RBFOX1: variants seen among roughly 807,000 people sequenced by gnomAD.
RBFOX1 encodes the protein RNA binding protein fox-1 homolog 1.
RBFOX1 carries 8 observed loss-of-function variants against 57.7 expected under a neutral mutation model. That is an observed-to-expected ratio of 0.14 (90% CI 0.08 to 0.25). The LOEUF is 0.25. RBFOX1 is among the 10% of genes least tolerant of loss of function. The pLI is 1.00. For synonymous variants in RBFOX1, 326 were observed against 222.4 expected, an observed-to-expected ratio of 1.47 and a Z score of -4.15; for missense variants, 611 against 548.5, an observed-to-expected ratio of 1.11 and a Z score of -1.14.
chr16:5,780,229 C>T (rs1475625351), intron 3 of RBFOX1, among the ~76,000 whole-genome samples: 2 of 152,220 alleles, frequency 1.3e-5, no homozygotes, highest in Non-Finnish European at 2.9e-5. Flanking sequence ...TCTTGAAATC[C>T]TGAACCTTGT....
intron 1 of RBFOX1, among the ~76,000 whole-genome samples, chr16:5,244,779 G>T (rs1464730814): frequency 2.0e-5 from 3 of 152,252 alleles, no homozygotes; most frequent in Non-Finnish European, 4.4e-5. Flanking sequence ...GCGCAGGTTG[G>T]TGGACGGTCC....
chr16:5,969,577 C>G (rs1207671047), intron 4 of RBFOX1, among the ~76,000 whole-genome samples: 1 of 151,306 alleles, frequency 6.6e-6, no homozygotes, highest in African/African-American at 2.4e-5. Context: ...CTGCCTCAAC[C>G]TCCCACAGTG....
chr16:7,672,101 A>G (rs1015013858), intron 13 of RBFOX1, among the ~76,000 whole-genome samples: 4 of 152,244 alleles, frequency 2.6e-5, no homozygotes, highest in Admixed American at 6.5e-5. Context: ...GACATCTAAC[A>G]TAACCCTCCC....
intron 2 of RBFOX1, chr16:6,573,749 C>T (rs1318087767): frequency 6.6e-6 from 1 of 152,248 alleles, no homozygotes; most frequent in Non-Finnish European, 1.5e-5. Flanking sequence ...CGAAGCCCGG[C>T]TGCGGGAGAG....
intron 3 of RBFOX1, among the ~76,000 whole-genome samples, chr16:6,903,920 T>C (rs2069109301): frequency 6.6e-6 from 1 of 152,006 alleles, no homozygotes; most frequent in Non-Finnish European, 1.5e-5. Flanking sequence ...GGAGGATGTT[T>C]AGTAATTAAA....
chr16:6,795,672 A>G (rs150618007), intron 3 of RBFOX1, among the ~76,000 whole-genome samples: 32 of 152,182 alleles, frequency 2.1e-4, no homozygotes, highest in Middle Eastern at 6.8e-3. Flanking sequence ...AGGCTGAGGC[A>G]GGAGAATCGC....
chr16:7,161,612 G>A (rs759911969), intron 4 of RBFOX1, among the ~76,000 whole-genome samples: 1 of 152,094 alleles, frequency 6.6e-6, no homozygotes, highest in Non-Finnish European at 1.5e-5. Context: ...TTTGAATCTC[G>A]GCTAAGTAAT....
intron 1 of RBFOX1, among the ~76,000 whole-genome samples, chr16:5,360,540 C>G (rs1043350300): frequency 6.6e-6 from 1 of 152,190 alleles, no homozygotes; most frequent in African/African-American, 2.4e-5. Flanking sequence ...TGGGCTGAGT[C>G]TAATGCATTG....
chr16:6,735,958 A>AGT (rs1442439634), intron 3 of RBFOX1, among the ~76,000 whole-genome samples: 13 of 456 alleles, frequency 0.029, no homozygotes, highest in African/African-American at 0.071. Flanking sequence ...TTTTTGGAAT[A>AGT]AATAAGGTTT....
chr16:5,759,927 C>T (rs186465341), intron 3 of RBFOX1, among the ~76,000 whole-genome samples: 1 of 152,192 alleles, frequency 6.6e-6, no homozygotes, highest in East Asian at 1.9e-4. Flanking sequence ...CTTCCACATC[C>T]CCTTTTGTGC....
chr16:6,740,783 G>T (rs906211001), intron 3 of RBFOX1, among the ~76,000 whole-genome samples: 7 of 152,164 alleles, frequency 4.6e-5, no homozygotes, highest in African/African-American at 1.4e-4. Flanking sequence ...TTGTAAAGAT[G>T]CCATTTCTGC....
At chr16:6,633,206 A>T (rs1328414364) in intron 2 of RBFOX1, among the ~76,000 whole-genome samples, 1 of 152,150 alleles carries the variant, frequency 6.6e-6, no homozygotes, top group African/African-American at 2.4e-5. Context: ...TTACATCCTC[A>T]CATCAGTGGC....
At chr16:5,602,197 A>G (rs2047388071), downstream of RBFOX1, among the ~76,000 whole-genome samples, 1 of 152,246 alleles carries the variant, frequency 6.6e-6, no homozygotes, top group African/African-American at 2.4e-5. Context: ...TACTGGAGGC[A>G]GCATATGTTG....
intron 2 of RBFOX1, among the ~76,000 whole-genome samples, chr16:6,478,851 C>G (rs2095326179): frequency 6.6e-6 from 1 of 151,998 alleles, no homozygotes; most frequent in Non-Finnish European, 1.5e-5. Context: ...TATAATAGTA[C>G]CATCAAACAT....
intron 2 of RBFOX1, among the ~76,000 whole-genome samples, chr16:6,583,320 G>T (rs2097563476): frequency 6.6e-6 from 1 of 152,216 alleles, no homozygotes; most frequent in African/African-American, 2.4e-5. Context: ...CACTTGGTCT[G>T]ACAGTGGGAA....
chr16:7,007,424 C>G (rs948424133), intron 3 of RBFOX1, among the ~76,000 whole-genome samples: 3 of 152,118 alleles, frequency 2.0e-5, no homozygotes, highest in Non-Finnish European at 4.4e-5. Flanking sequence ...CCCCAATAAT[C>G]CAGAGTCATC....
At chr16:5,714,417 T>A (rs2051611523) in intron 3 of RBFOX1, among the ~76,000 whole-genome samples, 2 of 152,126 alleles carry the variant, frequency 1.3e-5, no homozygotes, top group Admixed American at 6.5e-5. Context: ...ACAGAGAACA[T>A]GGAATAGAGA....
intron 4 of RBFOX1, among the ~76,000 whole-genome samples, chr16:7,504,949 C>T (rs62012660): frequency 0.12 from 17,686 of 148,806 alleles, 1,115 homozygotes; most frequent in East Asian, 0.17. Flanking sequence ...TGAAGCCCTA[C>T]GCAGCATGCC....
intron 2 of RBFOX1, among the ~76,000 whole-genome samples, chr16:6,647,819 T>G (rs984293260): frequency 6.6e-6 from 1 of 152,134 alleles, no homozygotes; most frequent in Non-Finnish European, 1.5e-5. Flanking sequence ...ACTGTAGCCT[T>G]GACTGCCTAG....
Sources: allele counts gnomAD v4.1 joint callset (sites outside exome capture counted in the v4.1 genomes callset), GRCh38; gene constraint gnomAD v4.1.1; transcripts MANE v1.5; gene names NCBI Gene and HGNC (gene_info 2026-07-23, HGNC 2026-07-21).